Variants in PLAG1 observed in about 807,000 individuals in gnomAD.
PLAG1 encodes PLAG1 zinc finger, also known as zinc finger protein PLAG1.
Under a neutral mutation model 35.5 loss-of-function variants are expected in PLAG1, and 7 were observed. The observed-to-expected ratio is 0.20, with a 90% CI of 0.11 to 0.37. PLAG1 has a LOEUF of 0.37. Ranked by LOEUF, PLAG1 falls within the 10% of genes least tolerant of loss-of-function variation. The pLI, the probability that PLAG1 is intolerant of heterozygous loss-of-function variation, is 1.00. For synonymous variants in PLAG1, 229 were observed against 225.4 expected, an observed-to-expected ratio of 1.02 and a Z score of -0.14; for missense variants, 454 against 602.8, an observed-to-expected ratio of 0.75 and a Z score of 2.58.
intron 1 of PLAG1, among the ~76,000 whole-genome samples, chr8:56,198,361 G>A (rs1039685918): frequency 3.3e-5 from 5 of 152,210 alleles, no homozygotes; most frequent in Non-Finnish European, 4.4e-5. Flanking sequence ...CAGGCTGTGG[G>A]TGCCCCAGCA....
rs1366304305 is a variant in PLAG1 at position 56,196,945 on chromosome 8, A to AGTGTGTGTGT, written c.-322+14175_-322+14176insACACACACAC. The stretch of plus-strand genomic sequence containing the variant: ...GGGTGCAGGCACCCTCTCCCTCCCT[A>AGTGTGTGTGT]GTGTGCGTGTGTGTGTGTGTGTGTG... On this transcript the variant is annotated intron_variant, in intron 1 of 4. Coordinates refer to ENST00000316981, the MANE Select transcript of PLAG1 (RefSeq NM_002655.3). 1.3e-3 allele frequency among the ~76,000 whole-genome samples: 106 copies of AGTGTGTGTGT among 84,170 alleles called. 3 individuals are homozygous for AGTGTGTGTGT. The highest frequency in any genetic ancestry group is 2.7e-3 in the Admixed American group (22 of 8,158). 55.2% of individuals were successfully genotyped at this position (84,170 alleles called of 152,430 possible). A position where few individuals can be genotyped will look rare whatever the true frequency, so the allele number is the denominator to read the frequency against.
rs1394046743 is a variant in PLAG1, at chr8:56,187,407, G to A, written c.-321-7894C>T. ...AGCAGAGAGACAAAGGCAAGAATCA[G>A]AACTAGGCTTGAATCCTGTCTGACC... On this transcript the variant is annotated intron_variant, in intron 1 of 4. Coordinates refer to ENST00000316981, the MANE Select transcript of PLAG1 (RefSeq NM_002655.3). 1.3e-5 allele frequency among the ~76,000 whole-genome samples: 2 copies of A among 152,206 alleles called. 1 individual carries two copies. Among genetic ancestry groups the A allele is most frequent in the Non-Finnish European group, 2.9e-5 (2 of 68,030 alleles).
chr8:56,169,867 T>C lies in PLAG1; in HGVS notation c.-118+1224A>G, dbSNP rs141897978. Among the ~76,000 whole-genome samples, 317 of 152,256 alleles carry C rather than the reference T, an allele frequency of 2.1e-3. 2 individuals carry two copies. Among genetic ancestry groups the C allele is most frequent in the African/African-American group, 7.2e-3 (299 of 41,528 alleles). On this transcript the variant is annotated intron_variant, in intron 3 of 4. Coordinates refer to ENST00000316981, the MANE Select transcript of PLAG1 (RefSeq NM_002655.3). ...CCTGTGATGTACTTTTAAGAGACCA[T>C]AGAAATAATACCTGCAACCTCTTTT...
At chr8:56,201,494 T>G (rs1215009127) in intron 1 of PLAG1, among the ~76,000 whole-genome samples, 1 of 152,208 alleles carries the variant, frequency 6.6e-6, no homozygotes. Context: ...TAAAGATAAG[T>G]TGACATTTAG....
chr8:56,179,118 T>C (rs1172016703), intron 2 of PLAG1, among the ~76,000 whole-genome samples: 1 of 144,326 alleles, frequency 6.9e-6, no homozygotes, highest in Non-Finnish European at 1.5e-5. Flanking sequence ...TAAGAGTACA[T>C]CTGTGGGCTA....
At chr8:56,174,210 A>G (rs1811623452) in intron 2 of PLAG1, among the ~76,000 whole-genome samples, 1 of 152,192 alleles carries the variant, frequency 6.6e-6, no homozygotes, top group Non-Finnish European at 1.5e-5. Context: ...TTTTCCATAT[A>G]GAGTAAATAA....
intron 1 of PLAG1, among the ~76,000 whole-genome samples, chr8:56,192,445 G>C (rs986598372): frequency 3.3e-5 from 5 of 152,106 alleles, no homozygotes; most frequent in Admixed American, 2.6e-4. Flanking sequence ...AGCTTTTGAG[G>C]AATACAAAGA....
chr8:56,178,842 A>G (rs1811783381), intron 2 of PLAG1, among the ~76,000 whole-genome samples: 1 of 151,970 alleles, frequency 6.6e-6, no homozygotes, highest in South Asian at 2.1e-4. Flanking sequence ...TGATTCTGTG[A>G]CACTGAGCTG....
intron 1 of PLAG1, among the ~76,000 whole-genome samples, chr8:56,196,873 CAT>C (rs1812384231): frequency 2.0e-5 from 3 of 151,856 alleles, no homozygotes; most frequent in African/African-American, 7.3e-5. Flanking sequence ...TGTGTGCACA[CAT>C]GTGCCGCCTC....
intron 1 of PLAG1, among the ~76,000 whole-genome samples, chr8:56,196,957 T>C (rs1441697159): frequency 1.8e-5 from 2 of 109,874 alleles, no homozygotes; most frequent in South Asian, 2.8e-4. Context: ...TGTGCGTGTG[T>C]GTGTGTGTGT....
rs185761470 is a variant in PLAG1 at position 56,163,476 on chromosome 8, C to G, written c.*2767G>C. 430 of 199,226 alleles carry G rather than the reference C, an allele frequency of 2.2e-3. 1 individual carries two copies. The highest frequency in any genetic ancestry group is 3.5e-3 in the Non-Finnish European group (340 of 96,080). 12.3% of individuals were successfully genotyped at this position (199,226 alleles called of 1,614,324 possible). Reference sequence around the variant, plus strand: ...TCTCTCAAAAAGGGTTTAGTGACCACTACAGTCAATTTTAAAAACAAATTA... The same window carrying G: ...TCTCTCAAAAAGGGTTTAGTGACCAGTACAGTCAATTTTAAAAACAAATTA... On this transcript the variant is annotated 3_prime_UTR_variant, in exon 5 of 5. Coordinates refer to ENST00000316981, the MANE Select transcript of PLAG1 (RefSeq NM_002655.3).
At chr8:56,175,833 C>A in intron 2 of PLAG1, among the ~76,000 whole-genome samples, 1 of 152,114 alleles carries the variant, frequency 6.6e-6, no homozygotes, top group East Asian at 1.9e-4. Flanking sequence ...AATATCAGTT[C>A]TCTTATCTGT....
rs1811324531 is a variant in PLAG1 at position 56,165,388 on chromosome 8, C to G, written c.*855G>C. The stretch of plus-strand genomic sequence containing the variant: ...AAATTGCTGGCTGCACTTGACCCAC[C>G]CCTTGGATGTGAAAGGTGGAAAAGA... On this transcript the variant is annotated 3_prime_UTR_variant, in exon 5 of 5. Coordinates refer to ENST00000316981, the MANE Select transcript of PLAG1 (RefSeq NM_002655.3). 1 of 219,134 alleles carries G rather than the reference C, an allele frequency of 4.6e-6. No individual in the cohort carries two copies. Among genetic ancestry groups the G allele is most frequent in the Non-Finnish European group, 9.2e-6 (1 of 109,276 alleles). The allele number at this position is 219,134 out of a possible 1,614,324, so 13.6% of individuals were successfully genotyped here.
At chr8:56,207,113 T>C (rs193236475) in intron 1 of PLAG1, among the ~76,000 whole-genome samples, 207 of 152,094 alleles carry the variant, frequency 1.4e-3, no homozygotes, top group South Asian at 0.013. Context: ...TTATATATCT[T>C]AATTTTCCAA....
intron 2 of PLAG1, among the ~76,000 whole-genome samples, chr8:56,175,359 G>A (rs1035452089): frequency 6.6e-6 from 1 of 152,206 alleles, no homozygotes; most frequent in African/African-American, 2.4e-5. Flanking sequence ...GAGACTCTCA[G>A]TTGGGGCTGC....
intron 2 of PLAG1, among the ~76,000 whole-genome samples, chr8:56,177,632 C>G (rs914999275): frequency 1.3e-5 from 2 of 152,176 alleles, no homozygotes; most frequent in Non-Finnish European, 2.9e-5. Flanking sequence ...TATTATTCAT[C>G]CTCGTATCCC....
In PLAG1 at chr8:56,164,820, T is replaced by C. The variant is rs1176849530; in HGVS notation, c.*1423A>G. ...ATTGTTATTTTCATGTTAACCAAGA[T>C]AGGTTTGTTTTACTTTACTTTGTTA... On this transcript the variant is annotated 3_prime_UTR_variant, in exon 5 of 5. Transcript: ENST00000316981. 4.7e-6 allele frequency: 1 copy of C among 210,978 alleles called. No homozygotes were observed. Among genetic ancestry groups the C allele is most frequent in the Non-Finnish European group, 9.6e-6 (1 of 103,870 alleles). The allele number at this position is 210,978 out of a possible 1,614,324, so 13.1% of individuals were successfully genotyped here.
In PLAG1 at chr8:56,166,329, C is replaced by A; in HGVS notation, c.1417G>T (p.Gly473Trp). The A allele has an allele frequency of 1.2e-6, 2 of 1,613,792 alleles. No homozygotes were observed. The highest frequency in any genetic ancestry group is 1.7e-6 in the Non-Finnish European group (2 of 1,179,786). ...GCTGCTGACAGTGAGTGCAGAGACC[C>A]AAGCCCTATAGTGTTTGCAGGATCC... ...LQDPANTIGL[G>W]SLHSLSAAFT... The change falls in exon 5 of 5, where the codon GGG becomes TGG. Residue 473 changes from glycine (G) to tryptophan (W), a missense_variant. Physicochemically the swap from Gly to Trp is radical, Grantham distance 184. Around this residue, in one of 4 missense-constraint regions of PLAG1, gnomAD observed 271 missense variants for 315.6 expected, o/e 0.86. Transcript: ENST00000316981.
Position 56,161,625 on chromosome 8 carries a change from C to G in PLAG1, c.*4618G>C, listed in dbSNP as rs1811203525. On this transcript the variant is annotated 3_prime_UTR_variant, in exon 5 of 5. Coordinates refer to ENST00000316981, the MANE Select transcript of PLAG1 (RefSeq NM_002655.3). ...TCCGAGATCTCCTTTTGCAAGTGCA[C>G]ATGAATACATTGTGGTGGTGTAAAA... 1 of 228,096 alleles carries G rather than the reference C, an allele frequency of 4.4e-6. No homozygotes were observed. 14.1% of individuals were successfully genotyped at this position (228,096 alleles called of 1,614,324 possible). A position where few individuals can be genotyped will look rare whatever the true frequency, so the allele number is the denominator to read the frequency against.
Sources: gnomAD v4.1 joint callset for allele counts (sites outside exome capture counted in the v4.1 genomes callset) on GRCh38, gnomAD v4.1.1 for gene constraint, gnomAD v4.1.1 regional missense constraint, MANE v1.5 for transcripts, NCBI Gene and HGNC (gene_info 2026-07-23, HGNC 2026-07-21) for gene names.